PREX2: variants seen among roughly 807,000 people sequenced by gnomAD.
The protein encoded by PREX2 is phosphatidylinositol 3,4,5-trisphosphate-dependent Rac exchanger 2 protein.
A neutral mutation model predicts 203.2 loss-of-function variants in PREX2; 107 were observed. The observed-to-expected ratio is 0.53, with a 90% confidence interval of 0.45 to 0.62. The LOEUF is 0.62. Among genes scored for constraint, PREX2 ranks in the 20% least tolerant of loss-of-function variants. The pLI, the probability that PREX2 is intolerant of heterozygous loss-of-function variation, is 0.00. For synonymous variants in PREX2, 672 were observed against 663.6 expected, an observed-to-expected ratio of 1.01 and a Z score of -0.19; for missense variants, 1,777 against 1,955.9, an observed-to-expected ratio of 0.91 and a Z score of 1.72.
intron 26 of PREX2, among the ~76,000 whole-genome samples, chr8:68,116,236 A>G (rs763781159): frequency 6.6e-6 from 1 of 152,200 alleles, no homozygotes; most frequent in Non-Finnish European, 1.5e-5. Flanking sequence ...AATTGTGCCT[A>G]TACAGGATTA....
intron 22 of PREX2, among the ~76,000 whole-genome samples, chr8:68,098,448 A>G (rs891716347): frequency 2.6e-5 from 4 of 152,076 alleles, no homozygotes; most frequent in Admixed American, 1.3e-4. Context: ...CATCATTCTG[A>G]TGATGTTGTA....
chr8:68,070,001 A>G (rs1809150723), intron 13 of PREX2, 117 bp downstream of exon 13: 1 of 509,014 alleles, frequency 2.0e-6, no homozygotes, highest in South Asian at 3.7e-5. Flanking sequence ...ACTTTACTTT[A>G]AAATATTATT....
intron 39 of PREX2, among the ~76,000 whole-genome samples, chr8:68,228,500 C>T (rs1235198697): frequency 6.6e-6 from 1 of 151,996 alleles, no homozygotes; most frequent in African/African-American, 2.4e-5. Context: ...CATAGGCTCA[C>T]GCCTGCAATC....
intron 12 of PREX2, 42 bp from the exon 13 acceptor site, chr8:68,069,793 G>C: frequency 2.1e-6 from 2 of 954,906 alleles, no homozygotes; most frequent in East Asian, 2.6e-5. Context: ...AATGTCCCTT[G>C]GGTAATCTCA....
intron 2 of PREX2, among the ~76,000 whole-genome samples, chr8:68,018,635 C>G (rs902388784): frequency 6.6e-6 from 1 of 151,844 alleles, no homozygotes; most frequent in African/African-American, 2.4e-5. Context: ...CCAAATATTT[C>G]AATGGTTCAC....
At chr8:68,183,967 A>G (rs955037704) in intron 35 of PREX2, among the ~76,000 whole-genome samples, 2 of 152,182 alleles carry the variant, frequency 1.3e-5, no homozygotes, top group African/African-American at 2.4e-5. Context: ...AGGCAGTTCA[A>G]TGACAACTGT....
chr8:68,165,398 TATTC>T, intron 35 of PREX2, among the ~76,000 whole-genome samples: 1 of 152,264 alleles, frequency 6.6e-6, no homozygotes, highest in African/African-American at 2.4e-5. Flanking sequence ...GTGGTGTTTT[TATTC>T]ATTTATTTAT....
At chr8:68,170,049 G>A (rs1456564576) in intron 35 of PREX2, among the ~76,000 whole-genome samples, 1 of 152,208 alleles carries the variant, frequency 6.6e-6, no homozygotes, top group Admixed American at 6.5e-5. Flanking sequence ...ACATTAGCCT[G>A]AATCATAAGG....
intron 8 of PREX2, among the ~76,000 whole-genome samples, chr8:68,050,849 C>A (rs1046736243): frequency 1.3e-5 from 2 of 152,060 alleles, no homozygotes; most frequent in African/African-American, 2.4e-5. Context: ...GAAACTCAGT[C>A]TGGGGAATAT....
At chr8:67,991,556 G>A (rs922759724) in intron 1 of PREX2, among the ~76,000 whole-genome samples, 2 of 152,114 alleles carry the variant, frequency 1.3e-5, no homozygotes, top group South Asian at 2.1e-4. Context: ...GAAGAGCCGC[G>A]TATAAAATCA....
At chr8:68,196,770 C>T (rs769133472) in intron 37 of PREX2, among the ~76,000 whole-genome samples, 73 of 151,904 alleles carry the variant, frequency 4.8e-4, no homozygotes, top group East Asian at 1.2e-3. Context: ...GTGTAAGAGG[C>T]GCCTGCTTCC....
chr8:68,007,298 A>G (rs924844883), intron 1 of PREX2, among the ~76,000 whole-genome samples: 1 of 152,218 alleles, frequency 6.6e-6, no homozygotes, highest in Non-Finnish European at 1.5e-5. Context: ...ATGCTTTCAG[A>G]TATTTGACCA....
chr8:67,975,454 A>G (rs921374170), intron 1 of PREX2, among the ~76,000 whole-genome samples: 1 of 151,882 alleles, frequency 6.6e-6, no homozygotes, highest in Non-Finnish European at 1.5e-5. Flanking sequence ...GAGTGAATAC[A>G]TGCTTTTAAA....
At chr8:68,117,090 G>T (rs1221433426) in intron 26 of PREX2, among the ~76,000 whole-genome samples, 2 of 152,178 alleles carry the variant, frequency 1.3e-5, no homozygotes, top group Admixed American at 1.3e-4. Flanking sequence ...GCAATGAAAA[G>T]ATATTGATTA....
At position 67,952,094 on chromosome 8, in the gene PREX2, C is replaced by T; in HGVS notation, c.-301C>T. 3.4e-6 allele frequency: 1 copy of T among 293,474 alleles called. No individual in the cohort carries two copies. The highest frequency in any genetic ancestry group is 6.0e-5 in the East Asian group (1 of 16,676). The allele number at this position is 293,474 out of a possible 1,614,324, so 18.2% of individuals were successfully genotyped here. A position where few individuals can be genotyped will look rare whatever the true frequency, so the allele number is the denominator to read the frequency against. ...ACTGCTGTGGCTGCCGAAGCCGCTT[C>T]CCCTCCAGCCCCGGCCGTGTGAGGC... is the stretch of plus-strand genomic sequence containing the variant. On this transcript the variant is annotated 5_prime_UTR_variant, in exon 1 of 40. Coordinates refer to ENST00000288368, the MANE Select transcript of PREX2 (RefSeq NM_024870.4).
At chr8:68,031,109 C>G (rs1268951312) in intron 6 of PREX2, among the ~76,000 whole-genome samples, 1 of 152,058 alleles carries the variant, frequency 6.6e-6, no homozygotes, top group Non-Finnish European at 1.5e-5. Context: ...AAGGAACTGG[C>G]TATGATCTTA....
At chr8:67,952,643 G>A (rs943432410) in intron 1 of PREX2, 108 bp downstream of exon 1, 5 of 1,458,420 alleles carry the variant, frequency 3.4e-6, no homozygotes, top group Non-Finnish European at 4.7e-6. Context: ...GACCCGGGAC[G>A]GGTCGGGGCA....
intron 37 of PREX2, among the ~76,000 whole-genome samples, chr8:68,211,322 A>C (rs1812738659): frequency 6.6e-6 from 1 of 152,260 alleles, no homozygotes. Context: ...ATCTTATAAC[A>C]TCATAATTTA....
chr8:68,043,163 T>C (rs6995885), intron 7 of PREX2, among the ~76,000 whole-genome samples: 25,564 of 152,112 alleles, frequency 0.17, 2,164 homozygotes, highest in Non-Finnish European at 0.19. Flanking sequence ...CCAATTTTCA[T>C]AGCTACCTGG....
Sources: gnomAD v4.1 joint callset for allele counts (sites outside exome capture counted in the v4.1 genomes callset) on GRCh38, gnomAD v4.1.1 for gene constraint, MANE v1.5 for transcripts, NCBI Gene and HGNC (gene_info 2026-07-23, HGNC 2026-07-21) for gene names.